TRIM71: variants seen among roughly 807,000 people sequenced by gnomAD.
TRIM71 encodes tripartite motif containing 71, also known as E3 ubiquitin-protein ligase TRIM71.
TRIM71 carries 9 observed loss-of-function variants against 61.2 expected under a neutral mutation model. The ratio of observed to expected loss-of-function variants is 0.15; its 90% CI spans 0.09 to 0.26. The LOEUF is 0.26. Ranked by LOEUF, TRIM71 falls within the 10% of genes least tolerant of loss-of-function variation. The probability of loss-of-function intolerance (pLI) is 1.00; values close to 1 mark genes in which losing one functional copy is unlikely to be tolerated. For missense variants in TRIM71, 998 were observed against 1,238.7 expected, an observed-to-expected ratio of 0.81 and a Z score of 2.92; for synonymous variants, 645 against 553.2, an observed-to-expected ratio of 1.17 and a Z score of -2.33.
rs1696289111 is a variant in TRIM71 at position 32,832,878 on chromosome 3, A to T, written c.852+13946A>T. 2.0e-5 allele frequency among the ~76,000 whole-genome samples: 3 copies of T among 152,048 alleles called. No individual in the cohort carries two copies. The South Asian group carries it at 6.2e-4, about 31-fold the overall frequency. ...GCCACATTAATTAATAGGTAATATA[A>T]AGAATTATTGACTGGGCTGGGCGCG... is the stretch of plus-strand genomic sequence containing the variant. On this transcript the variant is annotated intron_variant, in intron 1 of 3. Coordinates refer to ENST00000383763, the MANE Select transcript of TRIM71 (RefSeq NM_001039111.3).
At chr3:32,868,577 A>G (rs1696763677) in intron 1 of TRIM71, among the ~76,000 whole-genome samples, 1 of 152,146 alleles carries the variant, frequency 6.6e-6, no homozygotes, top group Admixed American at 6.5e-5. Flanking sequence ...TCTCCAAGTT[A>G]ATATAGTTAA....
chr3:32,853,252 G>T (rs1696559726), intron 1 of TRIM71, among the ~76,000 whole-genome samples: 1 of 151,846 alleles, frequency 6.6e-6, no homozygotes, highest in Non-Finnish European at 1.5e-5. Flanking sequence ...GAGTAGCTGG[G>T]ATTACAGGTG....
chr3:32,865,575 T>C (rs1243130726), intron 1 of TRIM71, among the ~76,000 whole-genome samples: 1 of 152,162 alleles, frequency 6.6e-6, no homozygotes, highest in African/African-American at 2.4e-5. Context: ...GGTTTTCATC[T>C]TCCTTAAGAG....
In TRIM71 at chr3:32,890,374, C is replaced by T. The variant is rs369795463; in HGVS notation, c.1170C>T (p.Arg390=). ...TTTCCCTCCAGGTAGAAAAGATCCG[C>T]CAGGTGAAAGCCAAGTCTCTGTACC... ...CELLWKVEKI[R]QVKAKSLYLQ... Residue 390 remains arginine, a synonymous_variant, in exon 4 of 4, where the codon CGC becomes CGT. Coordinates refer to ENST00000383763, the MANE Select transcript of TRIM71 (RefSeq NM_001039111.3). This position sits in a 1 kb window ranked among gnomAD's most constrained non-coding sequence, Gnocchi z 6.2. 6.2e-7 allele frequency: 1 copy of T among 1,608,476 alleles called. No homozygotes were observed. Among genetic ancestry groups the T allele is most frequent in the Non-Finnish European group, 8.5e-7 (1 of 1,175,272 alleles).
rs778407637 is a variant in TRIM71 at position 32,845,841 on chromosome 3, C to CTTGTAA, written c.852+26910_852+26911insTGTAAT. On this transcript the variant is annotated intron_variant, in intron 1 of 3. Transcript: ENST00000383763. ...GTTCAAGTGATTCTCCTGTCTCAGC[C>CTTGTAA]TCCCGAGTAGCTGGGATTACAGGCA... Among the ~76,000 whole-genome samples, 587 of 152,002 alleles carry CTTGTAA rather than the reference C, an allele frequency of 3.9e-3. 2 individuals are homozygous for CTTGTAA. Among genetic ancestry groups the CTTGTAA allele is most frequent in the Non-Finnish European group, 6.7e-3 (457 of 67,988 alleles).
At chr3:32,856,240 A>G (rs996834056) in intron 1 of TRIM71, among the ~76,000 whole-genome samples, 11 of 151,982 alleles carry the variant, frequency 7.2e-5, no homozygotes, top group Non-Finnish European at 8.8e-5. Flanking sequence ...GATGGTCTCG[A>G]TCTCCTGACC....
At position 32,890,454 on chromosome 3, in the gene TRIM71, C is replaced by A. The variant is rs1369387315; in HGVS notation, c.1250C>A (p.Ala417Asp). ...NLNKLESTIS[A>D]VQQVLEEGRA... ...AACAAGCTTGAGAGCACCATCAGTG[C>A]CGTGCAGCAGGTCCTGGAGGAGGGT... is the stretch of plus-strand genomic sequence containing the variant. Residue 417 changes from alanine (A) to aspartate (D), a missense_variant, in exon 4 of 4, where the codon GCC becomes GAC. Transcript: ENST00000383763. This position sits in a 1 kb window ranked among gnomAD's most constrained non-coding sequence, Gnocchi z 6.2. The A allele has an allele frequency of 6.2e-7, 1 of 1,614,218 alleles. No individual in the cohort carries two copies. Among genetic ancestry groups the A allele is most frequent in the Non-Finnish European group, 8.5e-7 (1 of 1,180,036 alleles).
intron 1 of TRIM71, among the ~76,000 whole-genome samples, chr3:32,859,681 G>A (rs78647965): frequency 2.0e-5 from 3 of 152,112 alleles, no homozygotes; most frequent in Non-Finnish European, 1.5e-5. Flanking sequence ...CCGGAATGCC[G>A]CTGGCCTGGG....
At chr3:32,886,360 T>C (rs979807528) in intron 3 of TRIM71, among the ~76,000 whole-genome samples, 1 of 152,220 alleles carries the variant, frequency 6.6e-6, no homozygotes, top group African/African-American at 2.4e-5. Context: ...GAAGGGAGCA[T>C]AGTCGAAACT....
chr3:32,874,017 C>G (rs375275511), intron 2 of TRIM71, 32 bp downstream of exon 2: 39 of 1,561,206 alleles, frequency 2.5e-5, no homozygotes, highest in Non-Finnish European at 3.1e-5. Context: ...GCAGTTCCCA[C>G]GTGAATCGAG....
rs145125002 is a variant in TRIM71, at chr3:32,865,334, A to G, written c.853-8484A>G. Among the ~76,000 whole-genome samples the G allele has an allele frequency of 1.1e-3, 171 of 152,260 alleles. 2 individuals are homozygous for G. The highest frequency in any genetic ancestry group is 3.8e-3 in the African/African-American group (156 of 41,532). On this transcript the variant is annotated intron_variant, in intron 1 of 3. Coordinates refer to ENST00000383763, the MANE Select transcript of TRIM71 (RefSeq NM_001039111.3). ...ACAGAGCAAGATTCCATCTCAAAAAAACAAAAAACAAGCAAACAAAAACAA... is the reference window on the plus strand; with the variant it reads ...ACAGAGCAAGATTCCATCTCAAAAAGACAAAAAACAAGCAAACAAAAACAA...
intron 1 of TRIM71, 128 bp downstream of exon 1, chr3:32,819,060 A>T: frequency 2.9e-6 from 3 of 1,025,066 alleles, no homozygotes; most frequent in Non-Finnish European, 4.4e-6. Context: ...TCCTTTGGCT[A>T]CGTGGCAGTC....
chr3:32,822,588 A>G (rs1188370087), intron 1 of TRIM71, among the ~76,000 whole-genome samples: 2 of 152,174 alleles, frequency 1.3e-5, no homozygotes, highest in African/African-American at 4.8e-5. Flanking sequence ...ACCAGTGTAT[A>G]TTATTCTCTG....
chr3:32,884,283 C>A (rs551613843), intron 2 of TRIM71, among the ~76,000 whole-genome samples: 1 of 152,114 alleles, frequency 6.6e-6, no homozygotes, highest in African/African-American at 2.4e-5. Context: ...CACCTTTGAG[C>A]GTGTCTTGCA....
intron 2 of TRIM71, among the ~76,000 whole-genome samples, chr3:32,881,337 TGCACCACAGTAGCTCC>T (rs1398606152): frequency 2.0e-5 from 3 of 152,234 alleles, no homozygotes; most frequent in African/African-American, 7.2e-5. Context: ...CATTTTAGAG[TGCACCACAGTAGCTCC>T]GCATACCCAG....
intron 1 of TRIM71, among the ~76,000 whole-genome samples, chr3:32,826,780 C>T (rs1022342190): frequency 2.6e-5 from 4 of 151,184 alleles, no homozygotes; most frequent in South Asian, 2.1e-4. Flanking sequence ...TTTTTTGAGA[C>T]GGAGTCTTGC....
chr3:32,836,819 ATATACTGGTAGCTAT>A (rs1398949431), intron 1 of TRIM71, among the ~76,000 whole-genome samples: 4 of 152,016 alleles, frequency 2.6e-5, no homozygotes, highest in Non-Finnish European at 5.9e-5. Flanking sequence ...CTTCGTGGCC[ATATACTGGTAGCTAT>A]TATACTGGTA....
chr3:32,863,723 C>G (rs928903175), intron 1 of TRIM71, among the ~76,000 whole-genome samples: 4 of 151,972 alleles, frequency 2.6e-5, no homozygotes. Context: ...CCTCTGTCAC[C>G]CAGGCTGGAG....
intron 1 of TRIM71, among the ~76,000 whole-genome samples, chr3:32,867,584 C>T (rs1258197727): frequency 1.3e-5 from 2 of 152,214 alleles, no homozygotes; most frequent in Admixed American, 6.5e-5. Flanking sequence ...TCCCAAAGTG[C>T]TGGTATTGTA....
Sources: gnomAD v4.1 joint callset for allele counts (sites outside exome capture counted in the v4.1 genomes callset) on GRCh38, gnomAD v4.1.1 for gene constraint, Gnocchi (gnomAD v3.1) non-coding constraint, MANE v1.5 for transcripts, NCBI Gene and HGNC (gene_info 2026-07-23, HGNC 2026-07-21) for gene names.